Variants in GNB5 observed in about 807,000 individuals in gnomAD.
GNB5 encodes the protein guanine nucleotide-binding protein subunit beta-5.
Under a neutral mutation model 55.3 loss-of-function variants are expected in GNB5, and 37 were observed. That is an observed-to-expected ratio of 0.67 (90% CI 0.51 to 0.88). GNB5 has a LOEUF of 0.88. GNB5 is among the 40% of genes least tolerant of loss of function. The pLI is 0.00. For missense variants in GNB5, 476 were observed against 515.3 expected, an observed-to-expected ratio of 0.92 and a Z score of 0.74; for synonymous variants, 219 against 198.5, an observed-to-expected ratio of 1.10 and a Z score of -0.87.
Position 52,142,263 on chromosome 15 carries a change from G to C in GNB5, c.495-991C>G, listed in dbSNP as rs1237204447. Reference sequence around the variant, plus strand: ...TGTAATCAGTAATAATCTGTGGTGTGATATTTTGAGACCATAAAAATATCA... The same window carrying C: ...TGTAATCAGTAATAATCTGTGGTGTCATATTTTGAGACCATAAAAATATCA... On this transcript the variant is annotated intron_variant, in intron 6 of 12. Transcript: ENST00000261837. Among the ~76,000 whole-genome samples the C allele has an allele frequency of 2.0e-5, 3 of 152,098 alleles. 1 individual carries two copies. The East Asian group carries it at 5.8e-4, about 29-fold the overall frequency.
rs1318955340 is a variant in GNB5 at position 52,180,078 on chromosome 15, G to A, written c.127-199C>T. The A allele has an allele frequency of 1.4e-5, 7 of 507,050 alleles. No homozygotes were observed. In the East Asian group the frequency reaches 3.2e-4, roughly 23 times the overall value. The allele number at this position is 507,050 out of a possible 1,614,324, so 31.4% of individuals were successfully genotyped here. On this transcript the variant is annotated intron_variant, in intron 2 of 12. Coordinates refer to ENST00000261837, the MANE Select transcript of GNB5 (RefSeq NM_016194.4). Reference sequence around the variant, plus strand: ...ACCTGGGCGCGCGCTCTGGCGCAGTGCCTGGTGCGATGTCCGCGTCAGCCT... The same window carrying A: ...ACCTGGGCGCGCGCTCTGGCGCAGTACCTGGTGCGATGTCCGCGTCAGCCT...
chr15:52,125,937 T>G lies in GNB5; in HGVS notation c.1009+11A>C, dbSNP rs2033413038. The G allele has an allele frequency of 8.2e-7, 1 of 1,215,754 alleles. No individual in the cohort carries two copies. Among genetic ancestry groups the G allele is most frequent in the Non-Finnish European group, 1.2e-6 (1 of 830,382 alleles). The allele number at this position is 1,215,754 out of a possible 1,614,324, so 75.3% of individuals were successfully genotyped here. ...ACAGTCCTGGGAAAAGTTTCTGAAA[T>G]AAAATCTTACCACTGAGGGAGAAGT... is the stretch of plus-strand genomic sequence containing the variant. On this transcript the variant is annotated intron_variant, in intron 11 of 12. Transcript: ENST00000261837.
intron 11 of GNB5, chr15:52,125,607 C>T (rs1294996309): frequency 5.6e-6 from 1 of 179,566 alleles, no homozygotes; most frequent in Non-Finnish European, 1.2e-5. Flanking sequence ...TTCACCTCCA[C>T]CTTACAGAAA....
At chr15:52,142,942 G>C (rs947390377) in intron 6 of GNB5, among the ~76,000 whole-genome samples, 1 of 152,052 alleles carries the variant, frequency 6.6e-6, no homozygotes, top group African/African-American at 2.4e-5. Flanking sequence ...ATCACCTGAG[G>C]TCAGGAGTTC....
At chr15:52,133,549 C>T (rs191311879) in intron 8 of GNB5, 80 bp from the exon 9 acceptor site, 3 of 886,336 alleles carry the variant, frequency 3.4e-6, no homozygotes, top group East Asian at 2.4e-5. Flanking sequence ...TTATATAACA[C>T]AGACCATTTA....
At chr15:52,165,535 G>T (rs1187216961) in intron 3 of GNB5, among the ~76,000 whole-genome samples, 1 of 152,048 alleles carries the variant, frequency 6.6e-6, no homozygotes, top group African/African-American at 2.4e-5. Context: ...AAGAGAGTGG[G>T]GCCAATATTC....
At chr15:52,146,736 ATTTTT>A (rs60737688) in intron 6 of GNB5, among the ~76,000 whole-genome samples, 1 of 110,918 alleles carries the variant, frequency 9.0e-6, no homozygotes, top group Non-Finnish European at 1.9e-5. Context: ...AGCTAATTAG[ATTTTT>A]TTTTTTTTTT....
chr15:52,162,914 C>T (rs956521811), intron 3 of GNB5: 1 of 152,236 alleles, frequency 6.6e-6, no homozygotes, highest in Admixed American at 6.5e-5. Context: ...TGGTTAGAAG[C>T]AGCTGCAATC....
At chr15:52,184,397 C>T (rs1387344018) in intron 2 of GNB5, among the ~76,000 whole-genome samples, 154 bp downstream of exon 2, 1 of 152,164 alleles carries the variant, frequency 6.6e-6, no homozygotes, top group African/African-American at 2.4e-5. Context: ...CCAGAGTCCA[C>T]ACCCTGAACC....
At chr15:52,154,174 C>T in intron 3 of GNB5, 98 bp from the exon 4 acceptor site, 3 of 1,123,346 alleles carry the variant, frequency 2.7e-6, no homozygotes, top group Non-Finnish European at 2.5e-6. Flanking sequence ...AGGGAGGCGG[C>T]CCCATGGGCT....
At chr15:52,176,229 A>G (rs1362752981) in intron 3 of GNB5, among the ~76,000 whole-genome samples, 2 of 152,132 alleles carry the variant, frequency 1.3e-5, no homozygotes, top group Non-Finnish European at 2.9e-5. Flanking sequence ...CCAGGCTCTC[A>G]GCCACTTGCT....
intron 1 of GNB5, among the ~76,000 whole-genome samples, chr15:52,190,406 C>T (rs925348495): frequency 4.6e-5 from 7 of 152,074 alleles, no homozygotes; most frequent in African/African-American, 9.7e-5. Flanking sequence ...CATGAGCCAC[C>T]GCGCCCAGCC....
intron 3 of GNB5, among the ~76,000 whole-genome samples, chr15:52,175,148 A>C (rs2034625932): frequency 6.6e-6 from 1 of 152,190 alleles, no homozygotes; most frequent in African/African-American, 2.4e-5. Context: ...CTTAGCTGAT[A>C]GCCTAAAGGG....
chr15:52,179,981 C>T, intron 2 of GNB5, 102 bp from the exon 3 acceptor site: 1 of 1,318,744 alleles, frequency 7.6e-7, no homozygotes. Flanking sequence ...AGCACCGCCC[C>T]GCGGCCCCGC....
At chr15:52,165,453 A>G (rs1396409665) in intron 3 of GNB5, among the ~76,000 whole-genome samples, 1 of 152,220 alleles carries the variant, frequency 6.6e-6, no homozygotes, top group Non-Finnish European at 1.5e-5. Context: ...TGTTAAGGGC[A>G]GCCAGAGAGA....
chr15:52,187,426 A>G (rs1339888713), intron 1 of GNB5, among the ~76,000 whole-genome samples: 1 of 152,084 alleles, frequency 6.6e-6, no homozygotes, highest in East Asian at 1.9e-4. Context: ...GTTCTGGAGA[A>G]GAGGAAATGA....
At chr15:52,190,902 G>A (rs985484077) in intron 1 of GNB5, among the ~76,000 whole-genome samples, 1 of 150,146 alleles carries the variant, frequency 6.7e-6, no homozygotes, top group South Asian at 2.1e-4. Context: ...ACTGTGAAAT[G>A]AGCATAGAAT....
At chr15:52,139,883 G>C in intron 7 of GNB5, 1 of 1,286,848 alleles carries the variant, frequency 7.8e-7, no homozygotes, top group African/African-American at 1.5e-5. Context: ...GGTCTCCACA[G>C]AGGGGCTTCA....
chr15:52,179,702 C>T (rs900570777), intron 3 of GNB5, 66 bp downstream of exon 3: 12 of 1,003,156 alleles, frequency 1.2e-5, no homozygotes, highest in African/African-American at 3.4e-5. Flanking sequence ...ACCGCCCCCG[C>T]CGTCCCCGCC....
Sources: gnomAD v4.1 joint callset for allele counts (sites outside exome capture counted in the v4.1 genomes callset) on GRCh38, gnomAD v4.1.1 for gene constraint, MANE v1.5 for transcripts, NCBI Gene and HGNC (gene_info 2026-07-23, HGNC 2026-07-21) for gene names.